Variants in LRSAM1 observed in about 807,000 individuals in gnomAD.
The protein encoded by LRSAM1 is E3 ubiquitin-protein ligase LRSAM1.
Under a neutral mutation model 118.1 loss-of-function variants are expected in LRSAM1, and 96 were observed. The ratio of observed to expected loss-of-function variants is 0.81; its 90% CI spans 0.69 to 0.96. LRSAM1 has a LOEUF of 0.96. Ranked by LOEUF, LRSAM1 falls within the 40% of genes least tolerant of loss-of-function variation. LRSAM1 has a pLI of 0.00. For missense variants in LRSAM1, 804 were observed against 915.5 expected, an observed-to-expected ratio of 0.88 and a Z score of 1.57; for synonymous variants, 322 against 364.2, an observed-to-expected ratio of 0.88 and a Z score of 1.32.
intron 10 of LRSAM1, among the ~76,000 whole-genome samples, chr9:127,473,545 A>G (rs1395129898): frequency 1.3e-5 from 2 of 152,208 alleles, no homozygotes; most frequent in East Asian, 3.8e-4. Flanking sequence ...TCATCACTTC[A>G]TTCTCACTTG....
At chr9:127,495,488 C>A in intron 22 of LRSAM1, 70 bp downstream of exon 22, 1 of 1,243,000 alleles carries the variant, frequency 8.0e-7, no homozygotes, top group Non-Finnish European at 1.2e-6. Context: ...CCTGTGGTGC[C>A]TCCACCATGC....
At position 127,489,434 on chromosome 9, in the gene LRSAM1, T is replaced by G; in HGVS notation, c.1348-10T>G. On this transcript the variant is annotated splice_polypyrimidine_tract_variant and intron_variant, in intron 18 of 25. Coordinates refer to ENST00000300417, the MANE Select transcript of LRSAM1 (RefSeq NM_001005373.4). Reference sequence around the variant, plus strand: ...CGGCCCCTGCTGAGGGCTGGTGGTCTGTGTTGCAGAGCGCGATGCAGAAGG... The same window carrying G: ...CGGCCCCTGCTGAGGGCTGGTGGTCGGTGTTGCAGAGCGCGATGCAGAAGG... 1 of 1,604,090 alleles carries G rather than the reference T, an allele frequency of 6.2e-7. No individual in the cohort carries two copies.
rs754080605 is a variant in LRSAM1 at position 127,480,028 on chromosome 9, C to A, written c.1043+50C>A. ...GCCCCAGAGTCCTTCCCCGTGCAGT[C>A]CCCTGAGGAGCCGGGAGGAGTGTGT... On this transcript the variant is annotated intron_variant, in intron 14 of 25. Coordinates refer to ENST00000300417, the MANE Select transcript of LRSAM1 (RefSeq NM_001005373.4). 1.9e-6 allele frequency: 3 copies of A among 1,613,230 alleles called. No individual in the cohort carries two copies. In the East Asian group the frequency reaches 6.7e-5, roughly 36 times the overall value.
intron 9 of LRSAM1, among the ~76,000 whole-genome samples, 172 bp from the exon 10 acceptor site, chr9:127,467,568 T>C (rs947742631): frequency 2.0e-5 from 3 of 152,142 alleles, no homozygotes; most frequent in African/African-American, 7.2e-5. Flanking sequence ...CCTACAGTCA[T>C]CCCAGGCACT....
At chr9:127,483,448 G>GA (rs1197470164) in intron 16 of LRSAM1, among the ~76,000 whole-genome samples, 198 of 133,850 alleles carry the variant, frequency 1.5e-3, no homozygotes, top group East Asian at 4.9e-3. Context: ...CCATTTCTCA[G>GA]AAAAAAAAAA....
chr9:127,503,265 G>A lies in LRSAM1; in HGVS notation c.*366G>A. ...GGTCCTCATCTGGGGGCCATGCACA[G>A]GCCCGTCCCACCCTGCATGTGGGAA... On this transcript the variant is annotated 3_prime_UTR_variant, in exon 26 of 26. Transcript: ENST00000300417. 3.0e-6 allele frequency: 1 copy of A among 336,320 alleles called. No individual in the cohort carries two copies. Among genetic ancestry groups the A allele is most frequent in the Non-Finnish European group, 5.8e-6 (1 of 172,224 alleles). 20.8% of individuals were successfully genotyped at this position (336,320 alleles called of 1,614,324 possible).
chr9:127,501,519 G>A (rs1383275015), intron 25 of LRSAM1, among the ~76,000 whole-genome samples: 1 of 152,096 alleles, frequency 6.6e-6, no homozygotes, highest in Non-Finnish European at 1.5e-5. Context: ...ATCACCTGAG[G>A]TCAGGAGTTT....
chr9:127,491,714 G>A (rs1295006498), intron 20 of LRSAM1, among the ~76,000 whole-genome samples: 4 of 152,176 alleles, frequency 2.6e-5, no homozygotes, highest in Admixed American at 6.5e-5. Flanking sequence ...GGGCCCAGCC[G>A]CATCTGTGTA....
rs2132086751 is a variant in LRSAM1 at position 127,487,733 on chromosome 9, G to A, written c.1317G>A (p.Gln439=). The A allele has an allele frequency of 6.2e-7, 1 of 1,613,596 alleles. No homozygotes were observed. The highest frequency in any genetic ancestry group is 2.2e-5 in the East Asian group (1 of 44,886). Residue 439 remains glutamine (Q), a synonymous_variant, in exon 18 of 26, where the codon CAG becomes CAA. Transcript: ENST00000300417. ...QQILSWQQMD[Q]NKAISQILQE... ...TTCTGTCGTGGCAGCAAATGGATCA[G>A]AACAAAGCCATCAGCCAGATCCTGC...
At chr9:127,472,182 G>A (rs1211195889) in intron 10 of LRSAM1, among the ~76,000 whole-genome samples, 2 of 150,390 alleles carry the variant, frequency 1.3e-5, no homozygotes, top group African/African-American at 4.9e-5. Context: ...GGCTGGTCTC[G>A]AACTCCTGAC....
At chr9:127,471,440 C>T (rs1835162283) in intron 10 of LRSAM1, among the ~76,000 whole-genome samples, 1 of 129,382 alleles carries the variant, frequency 7.7e-6, no homozygotes, top group Non-Finnish European at 1.6e-5. Flanking sequence ...CACTGCACTG[C>T]AGCCTGGGTG....
chr9:127,495,527 C>G, intron 22 of LRSAM1, 109 bp downstream of exon 22: 1 of 912,558 alleles, frequency 1.1e-6, no homozygotes, highest in South Asian at 1.4e-5. Flanking sequence ...TCTGGTGACT[C>G]TAGCATGCCA....
At chr9:127,455,112 G>A (rs1834468246) in intron 4 of LRSAM1, 58 bp downstream of exon 4, 2 of 1,555,934 alleles carry the variant, frequency 1.3e-6, no homozygotes, top group Non-Finnish European at 8.9e-7. Context: ...CTTGGATCTT[G>A]TGTCCCTAGG....
At chr9:127,459,248 A>G (rs1427364719) in intron 7 of LRSAM1, among the ~76,000 whole-genome samples, 177 bp downstream of exon 7, 1 of 137,222 alleles carries the variant, frequency 7.3e-6, no homozygotes, top group Non-Finnish European at 1.5e-5. Flanking sequence ...GCAGTGCCTC[A>G]CTGCGTTGCC....
Position 127,503,174 on chromosome 9 carries a change from G to T in LRSAM1, c.*275G>T. 1 of 496,572 alleles carries T rather than the reference G, an allele frequency of 2.0e-6. No individual in the cohort carries two copies. Among genetic ancestry groups the T allele is most frequent in the Non-Finnish European group, 3.7e-6 (1 of 271,148 alleles). 30.8% of individuals were successfully genotyped at this position (496,572 alleles called of 1,614,324 possible). On this transcript the variant is annotated 3_prime_UTR_variant, in exon 26 of 26. Transcript: ENST00000300417. ...CCCGAGCCTGGGAGCCAGCGTCCCAGCCTAATCACGGATCTGCTGCCTCCC... is the reference window on the plus strand; with the variant it reads ...CCCGAGCCTGGGAGCCAGCGTCCCATCCTAATCACGGATCTGCTGCCTCCC...
chr9:127,496,339 A>G (rs1189359799), intron 23 of LRSAM1, among the ~76,000 whole-genome samples: 2 of 152,140 alleles, frequency 1.3e-5, no homozygotes, highest in South Asian at 4.1e-4. Context: ...ATCAGACTGG[A>G]TCTTCAGACT....
At chr9:127,464,549 C>T (rs1834863005) in intron 9 of LRSAM1, among the ~76,000 whole-genome samples, 1 of 151,882 alleles carries the variant, frequency 6.6e-6, no homozygotes, top group Admixed American at 6.6e-5. Flanking sequence ...TTTAAATAGC[C>T]GTGGGTCCTT....
At chr9:127,472,716 T>C (rs1172194072) in intron 10 of LRSAM1, among the ~76,000 whole-genome samples, 1 of 152,342 alleles carries the variant, frequency 6.6e-6, no homozygotes, top group East Asian at 1.9e-4. Context: ...TGTGATTCTA[T>C]GCCTTGCTTT....
intron 21 of LRSAM1, among the ~76,000 whole-genome samples, chr9:127,494,840 G>C (rs1836063435): frequency 6.6e-6 from 1 of 152,138 alleles, no homozygotes; most frequent in Non-Finnish European, 1.5e-5. Flanking sequence ...AGCTACTCGG[G>C]CACTCCAGCC....
Sources: allele counts gnomAD v4.1 joint callset (sites outside exome capture counted in the v4.1 genomes callset), GRCh38; gene constraint gnomAD v4.1.1; transcripts MANE v1.5; gene names NCBI Gene and HGNC (gene_info 2026-07-23, HGNC 2026-07-21).